STRA8: variants seen among roughly 807,000 people sequenced by gnomAD.
The protein encoded by STRA8 is stimulated by retinoic acid 8.
A neutral mutation model predicts 37.1 loss-of-function variants in STRA8; 18 were observed. The ratio of observed to expected loss-of-function variants is 0.48; its 90% CI spans 0.34 to 0.72. STRA8 has a LOEUF of 0.72. Among genes scored for constraint, STRA8 ranks in the 30% least tolerant of loss-of-function variants. The pLI is 0.01. For synonymous variants in STRA8, 168 were observed against 162.9 expected, an observed-to-expected ratio of 1.03 and a Z score of -0.24; for missense variants, 357 against 410.4, an observed-to-expected ratio of 0.87 and a Z score of 1.13.
chr7:135,249,041 C>T (rs751729816), intron 6 of STRA8, among the ~76,000 whole-genome samples: 11 of 152,186 alleles, frequency 7.2e-5, no homozygotes, highest in Non-Finnish European at 1.3e-4. Context: ...GTTTACAGCC[C>T]CAAAGTGCCA....
At chr7:135,233,783 C>A (rs887229889), upstream of STRA8, among the ~76,000 whole-genome samples, 1 of 152,200 alleles carries the variant, frequency 6.6e-6, no homozygotes, top group Non-Finnish European at 1.5e-5. Context: ...TGGTCCCCAC[C>A]CCTGTAACGA....
intron 8 of STRA8, 151 bp downstream of exon 8, chr7:135,255,376 A>T (rs916653714): frequency 9.9e-6 from 6 of 608,800 alleles, no homozygotes; most frequent in Non-Finnish European, 1.5e-5. Flanking sequence ...GGCTTGCTCC[A>T]TGAATGGTCA....
chr7:135,257,523 C>T (rs1480138353), intron 8 of STRA8, among the ~76,000 whole-genome samples: 1 of 151,992 alleles, frequency 6.6e-6, no homozygotes, highest in Non-Finnish European at 1.5e-5. Flanking sequence ...CTCCCAGGTT[C>T]AAGTGATTCT....
chr7:135,254,582 T>C lies in STRA8; in HGVS notation c.954-532T>C, dbSNP rs146066198. ...TCAGCTTTTGAAGGATTTTCATGTC[T>C]GCTTCCAAACTGTGCTGCTTATGGT... On this transcript the variant is annotated intron_variant, in intron 7 of 8. Transcript: ENST00000662584. 2.2e-3 allele frequency among the ~76,000 whole-genome samples: 342 copies of C among 152,344 alleles called. 1 individual carries two copies. Among genetic ancestry groups the C allele is most frequent in the African/African-American group, 7.9e-3 (329 of 41,578 alleles).
At position 135,255,176 on chromosome 7, in the gene STRA8, T is replaced by A; in HGVS notation, c.1016T>A (p.Ile339Asn). 1 of 1,613,976 alleles carries A rather than the reference T, an allele frequency of 6.2e-7. No homozygotes were observed. Among genetic ancestry groups the A allele is most frequent in the Non-Finnish European group, 8.5e-7 (1 of 1,179,904 alleles). ...GAGAAGTTTCAGCTCTATATGCAGA[T>A]CATCAACTTTTTTAAAGGCCTTAGC... ...PEEKFQLYMQ[I>N]INFFKGLSCA... The change falls in exon 8 of 9, where the codon ATC (isoleucine) becomes AAC (asparagine). Residue 339 changes from isoleucine (I) to asparagine (N), a missense_variant. Coordinates refer to ENST00000662584, the MANE Select transcript of STRA8 (RefSeq NM_001394401.1).
chr7:135,254,988 G>A, intron 7 of STRA8, 126 bp from the exon 8 acceptor site: 1 of 745,324 alleles, frequency 1.3e-6, no homozygotes, highest in Non-Finnish European at 2.4e-6. Flanking sequence ...GGAGAGGTCT[G>A]GGCTGTCTGA....
chr7:135,257,233 GC>G (rs1311645198), intron 8 of STRA8, among the ~76,000 whole-genome samples: 1 of 152,204 alleles, frequency 6.6e-6, no homozygotes, highest in Non-Finnish European at 1.5e-5. Context: ...GGTCAGGGAT[GC>G]CACCTGGTTC....
intron 7 of STRA8, 49 bp from the exon 8 acceptor site, chr7:135,255,065 A>C: frequency 6.9e-7 from 1 of 1,451,128 alleles, no homozygotes; most frequent in Non-Finnish European, 9.7e-7. Context: ...CAGAGTTGAA[A>C]GATCAGGATC....
At position 135,258,463 on chromosome 7, in the gene STRA8, A is replaced by T; in HGVS notation, c.1111A>T (p.Thr371Ser). Residue 371 changes from threonine to serine, a missense_variant, in exon 9 of 9, where the codon ACA becomes TCA. Thr to Ser is a moderately conservative substitution (Grantham distance 58, BLOSUM62 1). Transcript: ENST00000662584. ...VDEEMIMLQCTETFDDEDL is the reference protein window; with the variant it reads ...VDEEMIMLQCSETFDDEDL Reference sequence around the variant, plus strand: ...TGAAGAGATGATCATGTTGCAGTGCACAGAGACCTTTGACGATGAAGATTT... The same window carrying T: ...TGAAGAGATGATCATGTTGCAGTGCTCAGAGACCTTTGACGATGAAGATTT... 3 of 1,606,432 alleles carry T rather than the reference A, an allele frequency of 1.9e-6. No homozygotes were observed. The highest frequency in any genetic ancestry group is 2.6e-6 in the Non-Finnish European group (3 of 1,176,316).
Position 135,246,299 on chromosome 7 carries a change from C to T in STRA8, c.594-118C>T. On this transcript the variant is annotated intron_variant, in intron 5 of 8. Coordinates refer to ENST00000662584, the MANE Select transcript of STRA8 (RefSeq NM_001394401.1). The surrounding 1 kb of genome is among the most constrained non-coding windows in gnomAD (Gnocchi z 5.4). ...GTGCAGAGTCTGAGAAGTCTCAGCC[C>T]TGGTGAGCCGTGGCGCCGTGGCCGG... 7.3e-7 allele frequency: 1 copy of T among 1,361,474 alleles called. No individual in the cohort carries two copies. The highest frequency in any genetic ancestry group is 2.5e-5 in the East Asian group (1 of 39,976). 84.3% of individuals were successfully genotyped at this position (1,361,474 alleles called of 1,614,324 possible).
At chr7:135,249,014 GGCA>G (rs1350566396) in intron 6 of STRA8, among the ~76,000 whole-genome samples, 1 of 152,146 alleles carries the variant, frequency 6.6e-6, no homozygotes, top group Admixed American at 6.5e-5. Flanking sequence ...TGTATGAAAG[GGCA>G]GCCAAACAGA....
intron 1 of STRA8, among the ~76,000 whole-genome samples, chr7:135,234,604 T>A (rs568445601): frequency 2.6e-5 from 4 of 152,316 alleles, no homozygotes; most frequent in Non-Finnish European, 2.9e-5. Context: ...GCATTTTTTT[T>A]AAAGTTTAGT....
At chr7:135,236,930 T>C (rs889235127) in intron 1 of STRA8, among the ~76,000 whole-genome samples, 2 of 152,188 alleles carry the variant, frequency 1.3e-5, no homozygotes, top group Admixed American at 6.5e-5. Flanking sequence ...TACCACTTCC[T>C]GGGAGGGACA....
At position 135,246,323 on chromosome 7, in the gene STRA8, G is replaced by C; in HGVS notation, c.594-94G>C. 6.6e-7 allele frequency: 1 copy of C among 1,512,416 alleles called. No individual in the cohort carries two copies. The highest frequency in any genetic ancestry group is 1.2e-5 in the South Asian group (1 of 82,528). 93.7% of individuals were successfully genotyped at this position (1,512,416 alleles called of 1,614,324 possible). ...CCTGGTGAGCCGTGGCGCCGTGGCC[G>C]GGCCTGCGTGCTGGGGTCCACACCA... On this transcript the variant is annotated intron_variant, in intron 5 of 8. Coordinates refer to ENST00000662584, the MANE Select transcript of STRA8 (RefSeq NM_001394401.1). The surrounding 1 kb of genome is among the most constrained non-coding windows in gnomAD (Gnocchi z 5.4).
At chr7:135,251,097 A>G (rs1832628503) in intron 6 of STRA8, among the ~76,000 whole-genome samples, 1 of 152,252 alleles carries the variant, frequency 6.6e-6, no homozygotes, top group Non-Finnish European at 1.5e-5. Context: ...CAAAATTTCC[A>G]CAATGAACAT....
In STRA8 at chr7:135,235,486, G is replaced by C. The variant is rs996175196; in HGVS notation, c.-7+1583G>C. On this transcript the variant is annotated intron_variant, in intron 1 of 8. Coordinates refer to ENST00000662584, the MANE Select transcript of STRA8 (RefSeq NM_001394401.1). ...GACAGAGTTTCACTCTTGTGGCCCA[G>C]GTTGGAGTCCAGTGGCACGATCTCA... is the stretch of plus-strand genomic sequence containing the variant. Among the ~76,000 whole-genome samples the C allele has an allele frequency of 7.5e-5, 11 of 147,448 alleles. No individual in the cohort carries two copies. In the East Asian group the frequency reaches 2.3e-3, roughly 31 times the overall value.
At chr7:135,234,019 G>A (rs1350123735) in intron 1 of STRA8, among the ~76,000 whole-genome samples, 116 bp downstream of exon 1, 1 of 152,140 alleles carries the variant, frequency 6.6e-6, no homozygotes, top group Non-Finnish European at 1.5e-5. Context: ...TTAGCGCGGG[G>A]TTCACAGGAG....
Position 135,246,303 on chromosome 7 carries a change from T to C in STRA8, c.594-114T>C. ...AGAGTCTGAGAAGTCTCAGCCCTGGTGAGCCGTGGCGCCGTGGCCGGGCCT... is the reference window on the plus strand; with the variant it reads ...AGAGTCTGAGAAGTCTCAGCCCTGGCGAGCCGTGGCGCCGTGGCCGGGCCT... On this transcript the variant is annotated intron_variant, in intron 5 of 8. Transcript: ENST00000662584. The surrounding 1 kb of genome is among the most constrained non-coding windows in gnomAD (Gnocchi z 5.4). 1 of 1,388,782 alleles carries C rather than the reference T, an allele frequency of 7.2e-7. No individual in the cohort carries two copies. The highest frequency in any genetic ancestry group is 1.0e-6 in the Non-Finnish European group (1 of 1,004,904). The allele number at this position is 1,388,782 out of a possible 1,614,324, so 86.0% of individuals were successfully genotyped here. A position where few individuals can be genotyped will look rare whatever the true frequency, so the allele number is the denominator to read the frequency against.
At chr7:135,232,163 A>T, upstream of STRA8, 1 of 941,890 alleles carries the variant, frequency 1.1e-6, no homozygotes, top group Non-Finnish European at 1.7e-6. Context: ...GAGGCAGGTC[A>T]GAGGTCAGTT....
Sources: gnomAD v4.1 joint callset for allele counts (sites outside exome capture counted in the v4.1 genomes callset) on GRCh38, gnomAD v4.1.1 for gene constraint, Gnocchi (gnomAD v3.1) non-coding constraint, MANE v1.5 for transcripts, NCBI Gene and HGNC (gene_info 2026-07-23, HGNC 2026-07-21) for gene names.